The following ZMYM2 variants were observed in gnomAD, a reference collection of about 807,000 sequenced individuals.
ZMYM2 encodes the protein zinc finger MYM-type protein 2.
Under a neutral mutation model 162.8 loss-of-function variants are expected in ZMYM2, and 56 were observed. The observed-to-expected ratio is 0.34, with a 90% CI of 0.28 to 0.43. The LOEUF (loss-of-function observed/expected upper bound fraction) is 0.43. Among genes scored for constraint, ZMYM2 ranks in the 20% least tolerant of loss-of-function variants. The pLI is 1.00. For missense variants in ZMYM2, 1,275 were observed against 1,621.8 expected, an observed-to-expected ratio of 0.79 and a Z score of 3.67; for synonymous variants, 510 against 541.6, an observed-to-expected ratio of 0.94 and a Z score of 0.81.
At position 20,086,317 on chromosome 13, in the gene ZMYM2, T is replaced by C. The variant is rs920992971; in HGVS notation, c.*303T>C. 7.8e-6 allele frequency: 2 copies of C among 256,890 alleles called. No homozygotes were observed. The highest frequency in any genetic ancestry group is 4.4e-5 in the African/African-American group (2 of 45,712). The allele number at this position is 256,890 out of a possible 1,614,324, so 15.9% of individuals were successfully genotyped here. A position where few individuals can be genotyped will look rare whatever the true frequency, so the allele number is the denominator to read the frequency against. Reference sequence around the variant, plus strand: ...GAGAATGTGCCATGTATAATTTTTTTCTTGTAGTAAGAAACATCCATATTG... The same window carrying C: ...GAGAATGTGCCATGTATAATTTTTTCCTTGTAGTAAGAAACATCCATATTG... On this transcript the variant is annotated 3_prime_UTR_variant, in exon 25 of 25. Transcript: ENST00000610343.
chr13:19,987,899 A>G (rs753296756), intron 2 of ZMYM2, among the ~76,000 whole-genome samples: 4 of 152,224 alleles, frequency 2.6e-5, no homozygotes, highest in African/African-American at 4.8e-5. Context: ...GGCGTGAGCC[A>G]CTGCCCTCAG....
At chr13:20,000,008 G>T (rs535680538) in intron 3 of ZMYM2, among the ~76,000 whole-genome samples, 1 of 152,198 alleles carries the variant, frequency 6.6e-6, no homozygotes, top group Non-Finnish European at 1.5e-5. Flanking sequence ...TCGCTATGTT[G>T]CCCAGGCTGC....
At chr13:20,042,466 T>C (rs1332909169) in intron 12 of ZMYM2, among the ~76,000 whole-genome samples, 1 of 152,154 alleles carries the variant, frequency 6.6e-6, no homozygotes, top group Non-Finnish European at 1.5e-5. Flanking sequence ...CTTACCTTGT[T>C]CCTTGGATTG....
chr13:20,067,044 C>A (rs755034217), intron 20 of ZMYM2, 25 bp downstream of exon 20: 1 of 1,553,290 alleles, frequency 6.4e-7, no homozygotes, highest in African/African-American at 1.4e-5. Flanking sequence ...TTTGTTTCTC[C>A]TAAGTCCTAT....
chr13:19,877,143 C>T, the ZMYM2 span, among the ~76,000 whole-genome samples: 2 of 143,218 alleles, frequency 1.4e-5, no homozygotes, highest in African/African-American at 2.6e-5. Context: ...ACCCGGGAGG[C>T]GGAGCTTGCA....
the ZMYM2 span, among the ~76,000 whole-genome samples, chr13:19,915,864 CTT>C: frequency 1.4e-5 from 2 of 143,868 alleles, no homozygotes; most frequent in Non-Finnish European, 1.5e-5. Flanking sequence ...TGAAATGACA[CTT>C]TTTTTTTTTT....
At chr13:19,946,224 A>T in the ZMYM2 span, among the ~76,000 whole-genome samples, 4 of 152,112 alleles carry the variant, frequency 2.6e-5, no homozygotes, top group Non-Finnish European at 5.9e-5. Context: ...TTAACATTAC[A>T]TTGTGTCATT....
the ZMYM2 span, among the ~76,000 whole-genome samples, chr13:19,879,720 A>G: frequency 6.6e-6 from 1 of 152,210 alleles, no homozygotes; most frequent in African/African-American, 2.4e-5. Context: ...TAAAATCTGC[A>G]GATTCCTTTG....
Position 20,007,714 on chromosome 13 carries a change from G to C in ZMYM2, c.1512+1128G>C, listed in dbSNP as rs1950859636. Among the ~76,000 whole-genome samples, 8 of 149,722 alleles carry C rather than the reference G, an allele frequency of 5.3e-5. No individual in the cohort carries two copies. In the South Asian group the frequency reaches 1.7e-3, roughly 32 times the overall value. On this transcript the variant is annotated intron_variant, in intron 6 of 24. Transcript: ENST00000610343. ...TGGCTCACTGCAACTTCCACCTCCTGGGTTCAAGTGATTCTCCTGCCTCAG... is the reference window on the plus strand; with the variant it reads ...TGGCTCACTGCAACTTCCACCTCCTCGGTTCAAGTGATTCTCCTGCCTCAG...
chr13:19,868,400 C>G, the ZMYM2 span, among the ~76,000 whole-genome samples: 1 of 152,176 alleles, frequency 6.6e-6, no homozygotes. Flanking sequence ...TTGATATGAT[C>G]TGAGTCATCT....
At chr13:20,080,329 A>G (rs1957824626) in intron 21 of ZMYM2, among the ~76,000 whole-genome samples, 1 of 152,226 alleles carries the variant, frequency 6.6e-6, no homozygotes, top group Admixed American at 6.5e-5. Flanking sequence ...ACATTGGATC[A>G]ACTCAGATGA....
chr13:20,058,735 C>G, intron 15 of ZMYM2, 31 bp downstream of exon 15: 2 of 1,609,708 alleles, frequency 1.2e-6, no homozygotes, highest in Non-Finnish European at 1.7e-6. Context: ...TTACATACTT[C>G]CCCATACCTT....
chr13:19,996,761 C>T (rs536325263), intron 3 of ZMYM2, among the ~76,000 whole-genome samples: 3 of 152,138 alleles, frequency 2.0e-5, no homozygotes, highest in Admixed American at 1.3e-4. Flanking sequence ...TGGTGCACAC[C>T]TGTAGCCTCA....
At chr13:19,975,628 A>G (rs1288277521) in intron 2 of ZMYM2, among the ~76,000 whole-genome samples, 4 of 152,106 alleles carry the variant, frequency 2.6e-5, no homozygotes, top group South Asian at 4.1e-4. Flanking sequence ...TTCTGTGATC[A>G]TTGTTGTACA....
intron 15 of ZMYM2, 70 bp from the exon 16 acceptor site, chr13:20,059,377 A>G: frequency 3.9e-6 from 6 of 1,527,230 alleles, no homozygotes; most frequent in Non-Finnish European, 5.3e-6. Flanking sequence ...TTATCAAATT[A>G]TTTTAACATT....
intron 10 of ZMYM2, among the ~76,000 whole-genome samples, chr13:20,031,692 CA>C (rs1953154681): frequency 6.6e-6 from 1 of 151,924 alleles, no homozygotes; most frequent in African/African-American, 2.4e-5. Flanking sequence ...TACAGAATGT[CA>C]CTTTGTTTAG....
chr13:19,871,033 G>T, the ZMYM2 span, among the ~76,000 whole-genome samples: 2 of 151,976 alleles, frequency 1.3e-5, no homozygotes, highest in Non-Finnish European at 2.9e-5. Context: ...AAGTACCAGA[G>T]AATATGTGGA....
At chr13:20,013,398 G>A (rs988979359) in intron 6 of ZMYM2, among the ~76,000 whole-genome samples, 2 of 152,264 alleles carry the variant, frequency 1.3e-5, no homozygotes, top group South Asian at 4.1e-4. Context: ...TGTGAATAGA[G>A]ATAGTTCTAC....
intron 6 of ZMYM2, 60 bp downstream of exon 6, chr13:20,006,646 T>C: frequency 2.7e-6 from 4 of 1,475,366 alleles, no homozygotes; most frequent in Non-Finnish European, 2.8e-6. Flanking sequence ...AGTGTTGTAA[T>C]ACTTTTACTC....
Sources: allele counts gnomAD v4.1 joint callset (sites outside exome capture counted in the v4.1 genomes callset), GRCh38; gene constraint gnomAD v4.1.1; transcripts MANE v1.5; gene names NCBI Gene and HGNC (gene_info 2026-07-23, HGNC 2026-07-21).